PYHIN1: variants seen among roughly 807,000 people sequenced by gnomAD.
PYHIN1 encodes the protein pyrin and HIN domain family member 1.
In PYHIN1, 32 loss-of-function variants were observed where a neutral mutation model predicts 43.7. The ratio of observed to expected loss-of-function variants is 0.73; its 90% CI spans 0.55 to 0.98. The LOEUF is 0.98. PYHIN1 is among the 50% of genes least tolerant of loss of function. The pLI is 0.00. For missense variants in PYHIN1, 588 were observed against 589.5 expected (o/e 1.00, Z 0.03); for synonymous variants, 205 against 203.1 (o/e 1.01, Z -0.08).
the PYHIN1 span, among the ~76,000 whole-genome samples, chr1:158,985,283 C>G: frequency 6.6e-6 from 1 of 152,094 alleles, no homozygotes; most frequent in African/African-American, 2.4e-5. Flanking sequence ...TGTTTTGTGG[C>G]AGGTAGCAGC....
At chr1:158,969,034 C>T (rs575527703) in intron 7 of PYHIN1, among the ~76,000 whole-genome samples, 3 of 152,056 alleles carry the variant, frequency 2.0e-5, no homozygotes, top group African/African-American at 7.2e-5. Context: ...TGCACATGTA[C>T]CTCTGAACCT....
intron 1 of PYHIN1, among the ~76,000 whole-genome samples, chr1:158,934,373 T>C (rs1300977435): frequency 6.6e-6 from 1 of 152,190 alleles, no homozygotes; most frequent in East Asian, 1.9e-4. Flanking sequence ...TCTAAACTTT[T>C]TGTTTAGCAA....
chr1:158,957,481 C>A (rs1650015486), intron 7 of PYHIN1, among the ~76,000 whole-genome samples: 1 of 151,118 alleles, frequency 6.6e-6, no homozygotes, highest in Non-Finnish European at 1.5e-5. Flanking sequence ...CTTTGACAAA[C>A]CTGAGAAAAA....
At chr1:158,967,799 A>G (rs1650711646) in intron 7 of PYHIN1, among the ~76,000 whole-genome samples, 2 of 152,058 alleles carry the variant, frequency 1.3e-5, no homozygotes, top group South Asian at 4.1e-4. Flanking sequence ...GCCCACCTAC[A>G]ATCACTGGAT....
the PYHIN1 span, among the ~76,000 whole-genome samples, chr1:158,982,678 A>G: frequency 3.2e-4 from 48 of 152,296 alleles, no homozygotes; most frequent in Admixed American, 2.6e-3. Context: ...TCTGTGAAAA[A>G]TGACATTGGT....
At position 158,958,834 on chromosome 1, in the gene PYHIN1, T is replaced by C. The variant is rs117797009; in HGVS notation, c.1359+13792T>C. 1.6e-4 allele frequency among the ~76,000 whole-genome samples: 24 copies of C among 149,290 alleles called. No individual in the cohort carries two copies. The East Asian group carries it at 4.1e-3, about 26-fold the overall frequency. ...CTACTTGCTCCCAGAGCTCTACATC[T>C]AGCATGCCTTCTTTTAAGAACCATG... On this transcript the variant is annotated intron_variant, in intron 7 of 8. Coordinates refer to ENST00000368140, the MANE Select transcript of PYHIN1 (RefSeq NM_152501.5).
In PYHIN1 at chr1:158,944,987, A is replaced by ATGT; in HGVS notation, c.1305_1306insGTT (p.His435_Leu436insVal). The ATGT allele has an allele frequency of 6.2e-7, 1 of 1,613,930 alleles. No individual in the cohort carries two copies. The highest frequency in any genetic ancestry group is 8.5e-7 in the Non-Finnish European group (1 of 1,179,874). On this transcript the variant is annotated inframe_insertion, in exon 7 of 9. Transcript: ENST00000368140. Reference sequence around the variant, plus strand: ...GCCAGCACAACCCTACCTGAAAGCCATCTCAAGACTCCTCAGATGCCACCA... The same window carrying ATGT: ...GCCAGCACAACCCTACCTGAAAGCCATGTTCTCAAGACTCCTCAGATGCCACCA...
At chr1:158,955,344 A>G (rs1362385113) in intron 7 of PYHIN1, among the ~76,000 whole-genome samples, 1 of 150,472 alleles carries the variant, frequency 6.6e-6, no homozygotes, top group Admixed American at 6.6e-5. Context: ...TTGACCACAT[A>G]CTTGGAAGTA....
intron 1 of PYHIN1, among the ~76,000 whole-genome samples, chr1:158,934,341 A>G (rs1648375964): frequency 6.6e-6 from 1 of 152,208 alleles, no homozygotes; most frequent in South Asian, 2.1e-4. Flanking sequence ...CATACTCACA[A>G]AACAAATCAA....
chr1:158,982,374 C>T, the PYHIN1 span, among the ~76,000 whole-genome samples: 1 of 152,178 alleles, frequency 6.6e-6, no homozygotes, highest in Non-Finnish European at 1.5e-5. Context: ...GCCAGTTATC[C>T]TGACACTGCT....
intron 7 of PYHIN1, among the ~76,000 whole-genome samples, chr1:158,971,823 A>G (rs935847206): frequency 6.6e-6 from 1 of 151,958 alleles, no homozygotes; most frequent in Non-Finnish European, 1.5e-5. Context: ...CAGAGCCAGG[A>G]CCCAATCACA....
intron 7 of PYHIN1, among the ~76,000 whole-genome samples, chr1:158,960,792 T>C (rs148018644): frequency 6.6e-6 from 1 of 152,366 alleles, no homozygotes; most frequent in Non-Finnish European, 1.5e-5. Context: ...GAGAAAATTT[T>C]TTTAATAATT....
At chr1:158,983,662 C>T in the PYHIN1 span, among the ~76,000 whole-genome samples, 6,258 of 152,018 alleles carry the variant, frequency 0.041, 351 homozygotes, top group East Asian at 0.26. Context: ...TAGAATGATT[C>T]AGGGCAGAGT....
At chr1:158,968,298 C>A (rs886441019) in intron 7 of PYHIN1, among the ~76,000 whole-genome samples, 2 of 151,960 alleles carry the variant, frequency 1.3e-5, no homozygotes, top group Admixed American at 6.6e-5. Flanking sequence ...TGTGAACAGA[C>A]CCTTCTCAAT....
At chr1:158,935,663 C>T (rs186868381) in intron 1 of PYHIN1, among the ~76,000 whole-genome samples, 125 of 152,206 alleles carry the variant, frequency 8.2e-4, no homozygotes, top group African/African-American at 2.9e-3. Context: ...ATAGGGTCGG[C>T]GCCCCAGCAT....
the PYHIN1 span, among the ~76,000 whole-genome samples, chr1:158,990,635 T>C: frequency 2.0e-5 from 3 of 152,234 alleles, no homozygotes; most frequent in African/African-American, 7.2e-5. Context: ...AATCTAACTA[T>C]AATTATATCT....
intron 5 of PYHIN1, 115 bp downstream of exon 5, chr1:158,942,514 C>A: frequency 1.0e-5 from 8 of 769,756 alleles, no homozygotes; most frequent in African/African-American, 1.8e-5. Context: ...AGGACTCTCT[C>A]AAAACTACTG....
At chr1:158,970,231 T>C (rs754731510) in intron 7 of PYHIN1, among the ~76,000 whole-genome samples, 1 of 152,036 alleles carries the variant, frequency 6.6e-6, no homozygotes, top group Non-Finnish European at 1.5e-5. Flanking sequence ...AAAGCTAAGA[T>C]CTTAGGCATC....
chr1:158,953,074 A>T (rs1044577221), intron 7 of PYHIN1, among the ~76,000 whole-genome samples: 4 of 152,222 alleles, frequency 2.6e-5, no homozygotes, highest in African/African-American at 9.7e-5. Flanking sequence ...CCAGGAGATT[A>T]TATCCTGCAC....
Sources: gnomAD v4.1 joint callset for allele counts (sites outside exome capture counted in the v4.1 genomes callset) on GRCh38, gnomAD v4.1.1 for gene constraint, MANE v1.5 for transcripts, NCBI Gene and HGNC (gene_info 2026-07-23, HGNC 2026-07-21) for gene names.